FUT8: variants seen among roughly 807,000 people sequenced by gnomAD.
The protein encoded by FUT8 is alpha-(1,6)-fucosyltransferase.
FUT8 carries 29 observed loss-of-function variants against 71.3 expected under a neutral mutation model. The ratio of observed to expected loss-of-function variants is 0.41; its 90% CI spans 0.30 to 0.55. The LOEUF (loss-of-function observed/expected upper bound fraction) is 0.55, where lower values mean the gene tolerates loss of function less well. Among genes scored for constraint, FUT8 ranks in the 20% least tolerant of loss-of-function variants. The pLI is 0.34. For missense variants in FUT8, 544 were observed against 702.1 expected (o/e 0.77, Z 2.55); for synonymous variants, 254 against 239.3 (o/e 1.06, Z -0.57).
chr14:65,439,954 G>GTATACGTATATATATA lies in FUT8; in HGVS notation c.-325-15663_-325-15662insCGTATATATATATATA, dbSNP rs1555360999. Among the ~76,000 whole-genome samples the GTATACGTATATATATA allele has an allele frequency of 3.5e-3, 266 of 74,962 alleles. 6 individuals are homozygous for GTATACGTATATATATA. The highest frequency in any genetic ancestry group is 5.3e-3 in the Non-Finnish European group (214 of 40,280). 49.2% of individuals were successfully genotyped at this position (74,962 alleles called of 152,430 possible). A position where few individuals can be genotyped will look rare whatever the true frequency, so the allele number is the denominator to read the frequency against. ...ATAAAGAAAATGTGTGTGTGTGTGT[G>GTATACGTATATATATA]TATATATATATATATATATATATAT... On this transcript the variant is annotated intron_variant, in intron 1 of 10. Coordinates refer to ENST00000673929, the MANE Select transcript of FUT8 (RefSeq NM_001371533.1).
At chr14:65,501,636 A>T (rs1243014696) in intron 2 of FUT8, among the ~76,000 whole-genome samples, 1 of 152,172 alleles carries the variant, frequency 6.6e-6, no homozygotes, top group Admixed American at 6.5e-5. Context: ...TCAGAGTTTT[A>T]TTTTCAGTAT....
intron 10 of FUT8, among the ~76,000 whole-genome samples, chr14:65,741,187 C>T (rs1216740855): frequency 6.6e-6 from 1 of 151,798 alleles, no homozygotes; most frequent in Non-Finnish European, 1.5e-5. Flanking sequence ...CACCTGCTAT[C>T]CAGTGAGCAG....
chr14:65,401,163 C>A, the FUT8 span, among the ~76,000 whole-genome samples: 1 of 152,114 alleles, frequency 6.6e-6, no homozygotes, highest in Non-Finnish European at 1.5e-5. Flanking sequence ...TTTGCAAAAA[C>A]CAATATGAGG....
At chr14:65,546,783 G>C (rs941409992) in intron 2 of FUT8, among the ~76,000 whole-genome samples, 3 of 150,788 alleles carry the variant, frequency 2.0e-5, no homozygotes, top group Non-Finnish European at 4.5e-5. Context: ...TCTTTGTGTA[G>C]AATTGTTGTT....
At chr14:65,524,281 T>C (rs541412029) in intron 2 of FUT8, among the ~76,000 whole-genome samples, 1 of 152,298 alleles carries the variant, frequency 6.6e-6, no homozygotes, top group African/African-American at 2.4e-5. Flanking sequence ...CTTGAAGAGG[T>C]CTTTCACATC....
intron 9 of FUT8, among the ~76,000 whole-genome samples, chr14:65,728,959 A>G (rs1350804537): frequency 6.6e-6 from 1 of 151,722 alleles, no homozygotes; most frequent in African/African-American, 2.4e-5. Context: ...CGAATTCTAT[A>G]TAATTTAAAC....
At chr14:65,625,128 G>T (rs1889828691) in intron 5 of FUT8, among the ~76,000 whole-genome samples, 1 of 151,944 alleles carries the variant, frequency 6.6e-6, no homozygotes, top group South Asian at 2.1e-4. Context: ...CAAGTTTTGT[G>T]ATTACTCCTA....
chr14:65,439,952 GTGTA>G (rs1243643870), intron 1 of FUT8, among the ~76,000 whole-genome samples: 1,555 of 38,092 alleles, frequency 0.041, 19 homozygotes, highest in Admixed American at 0.059. Context: ...GTGTGTGTGT[GTGTA>G]TATATATATA....
At chr14:65,436,665 A>G (rs1371195724) in intron 1 of FUT8, among the ~76,000 whole-genome samples, 1 of 152,120 alleles carries the variant, frequency 6.6e-6, no homozygotes, top group African/African-American at 2.4e-5. Context: ...CCAAAATAGA[A>G]TAGTAAATGG....
chr14:65,530,540 T>C (rs1883871920), intron 2 of FUT8, among the ~76,000 whole-genome samples: 1 of 152,174 alleles, frequency 6.6e-6, no homozygotes, highest in Non-Finnish European at 1.5e-5. Flanking sequence ...CAAATGCTAT[T>C]ATATGTAAAA....
At chr14:65,450,674 T>C (rs1301799226) in intron 1 of FUT8, among the ~76,000 whole-genome samples, 2 of 152,190 alleles carry the variant, frequency 1.3e-5, no homozygotes, top group Non-Finnish European at 2.9e-5. Flanking sequence ...TTTCTTACGT[T>C]GGGTTTTTAT....
chr14:65,449,622 G>C (rs529675736), intron 1 of FUT8, among the ~76,000 whole-genome samples: 1 of 152,306 alleles, frequency 6.6e-6, no homozygotes, highest in African/African-American at 2.4e-5. Flanking sequence ...AAGACATTGA[G>C]GTCCTGCCTT....
Position 65,421,194 on chromosome 14 carries a change from GAAA to G in FUT8, c.-326+8000_-326+8002del, listed in dbSNP as rs61617981. 1.4e-3 allele frequency among the ~76,000 whole-genome samples: 137 copies of G among 94,824 alleles called. 1 individual carries two copies. The highest frequency in any genetic ancestry group is 3.6e-3 in the African/African-American group (88 of 24,618). The allele number at this position is 94,824 out of a possible 152,430, so 62.2% of individuals were successfully genotyped here. ...GCGACAGAGCGGGACTCCATCTCAG[GAAA>G]AAAAAAAAAAAAAAAAAAATCATAA... is the stretch of plus-strand genomic sequence containing the variant. On this transcript the variant is annotated intron_variant, in intron 1 of 10. Transcript: ENST00000673929.
chr14:65,665,217 G>T (rs530709540), intron 6 of FUT8, among the ~76,000 whole-genome samples: 1 of 152,246 alleles, frequency 6.6e-6, no homozygotes, highest in East Asian at 1.9e-4. Context: ...AGATTTGGTT[G>T]TAATATATAA....
intron 3 of FUT8, among the ~76,000 whole-genome samples, chr14:65,572,232 A>G (rs1886516250): frequency 6.6e-6 from 1 of 152,164 alleles, no homozygotes; most frequent in Non-Finnish European, 1.5e-5. Flanking sequence ...TAGCATCTCG[A>G]TTGTCCTAAC....
intron 2 of FUT8, among the ~76,000 whole-genome samples, chr14:65,540,790 T>C (rs904047176): frequency 2.0e-5 from 3 of 152,210 alleles, no homozygotes; most frequent in African/African-American, 7.2e-5. Flanking sequence ...CATAAATAAC[T>C]AACGAAGTGA....
chr14:65,436,041 C>T (rs111358636), intron 1 of FUT8, among the ~76,000 whole-genome samples: 14 of 150,190 alleles, frequency 9.3e-5, no homozygotes, highest in African/African-American at 3.4e-4. Context: ...AGCAGTTCTT[C>T]TACCTCAGTC....
chr14:65,529,725 G>A (rs1883805638), intron 2 of FUT8, among the ~76,000 whole-genome samples: 1 of 152,178 alleles, frequency 6.6e-6, no homozygotes, highest in Non-Finnish European at 1.5e-5. Flanking sequence ...GGTCTTTAGA[G>A]GCATGCTCAG....
At chr14:65,695,550 T>G (rs1893949887) in intron 7 of FUT8, among the ~76,000 whole-genome samples, 1 of 152,186 alleles carries the variant, frequency 6.6e-6, no homozygotes, top group South Asian at 2.1e-4. Context: ...GTAGAGCTAC[T>G]CTAGCTTTCT....
Sources: allele counts gnomAD v4.1 joint callset (sites outside exome capture counted in the v4.1 genomes callset), GRCh38; gene constraint gnomAD v4.1.1; transcripts MANE v1.5; gene names NCBI Gene and HGNC (gene_info 2026-07-23, HGNC 2026-07-21).